PARM1: variants seen among roughly 807,000 people sequenced by gnomAD.
PARM1 encodes the protein prostate androgen-regulated mucin-like protein 1, also known as WSC4, cell wall integrity and stress response component 4 homolog.
A neutral mutation model predicts 24.6 loss-of-function variants in PARM1; 14 were observed. The observed-to-expected ratio is 0.57, with a 90% confidence interval of 0.38 to 0.89. The LOEUF (loss-of-function observed/expected upper bound fraction) is 0.89, where lower values mean the gene tolerates loss of function less well. PARM1 is among the 40% of genes least tolerant of loss of function. PARM1 has a pLI of 0.00. For missense variants in PARM1, 362 were observed against 380.4 expected (o/e 0.95, Z 0.40); for synonymous variants, 179 against 156.6 (o/e 1.14, Z -1.07).
At chr4:75,008,256 C>T (rs1244650679) in intron 1 of PARM1, among the ~76,000 whole-genome samples, 1 of 152,176 alleles carries the variant, frequency 6.6e-6, no homozygotes, top group Admixed American at 6.5e-5. Context: ...ATTGCCTGAA[C>T]TTGGCTGTAA....
intron 2 of PARM1, among the ~76,000 whole-genome samples, chr4:75,015,798 G>C (rs1048183671): frequency 1.3e-5 from 2 of 152,168 alleles, no homozygotes; most frequent in African/African-American, 4.8e-5. Context: ...CCAGGGCCCA[G>C]AGCTCTAAGC....
At chr4:75,001,505 G>T (rs995436775) in intron 1 of PARM1, among the ~76,000 whole-genome samples, 1 of 152,180 alleles carries the variant, frequency 6.6e-6, no homozygotes, top group African/African-American at 2.4e-5. Context: ...GGGGTGTTCC[G>T]GGGTGCTGAA....
intron 2 of PARM1, among the ~76,000 whole-genome samples, chr4:75,015,555 A>T (rs184658569): frequency 1.4e-4 from 22 of 152,342 alleles, no homozygotes; most frequent in African/African-American, 5.0e-4. Flanking sequence ...GAAAACAAGT[A>T]TGAGACCTAT....
chr4:75,005,266 A>G (rs954846977), intron 1 of PARM1, among the ~76,000 whole-genome samples: 1 of 152,192 alleles, frequency 6.6e-6, no homozygotes, highest in Non-Finnish European at 1.5e-5. Flanking sequence ...GCTTGACTGC[A>G]TTTTGATCAA....
At chr4:74,946,409 G>A (rs975838166) in intron 1 of PARM1, among the ~76,000 whole-genome samples, 5 of 152,132 alleles carry the variant, frequency 3.3e-5, no homozygotes, top group African/African-American at 4.8e-5. Flanking sequence ...ATGGTCACCC[G>A]TTTTCTTCCC....
At position 75,012,466 on chromosome 4, in the gene PARM1, G is replaced by A. The variant is rs377545871; in HGVS notation, c.85G>A (p.Val29Ile). Residue 29 changes from valine to isoleucine, a missense_variant, in exon 2 of 4, where the codon GTT (valine) becomes ATT (isoleucine). Coordinates refer to ENST00000307428, the MANE Select transcript of PARM1 (RefSeq NM_015393.4). ...QSLPTSAPLS[V>I]SLPTNIVPPT... is the part of the protein sequence containing the mutation. ...TCTGCCTACATCAGCTCCTTTGTCT[G>A]TTTCTCTTCCGACAAACATTGTACC... The A allele has an allele frequency of 6.2e-7, 1 of 1,613,746 alleles. No homozygotes were observed. Among genetic ancestry groups the A allele is most frequent in the African/African-American group, 1.3e-5 (1 of 74,860 alleles).
chr4:75,035,352 G>T (rs1187327490), intron 3 of PARM1, among the ~76,000 whole-genome samples: 1 of 152,200 alleles, frequency 6.6e-6, no homozygotes, highest in Non-Finnish European at 1.5e-5. Context: ...TAGGGACCAA[G>T]ACGGTGCTTG....
intron 1 of PARM1, among the ~76,000 whole-genome samples, chr4:74,934,306 T>C (rs1721130324): frequency 6.6e-6 from 1 of 152,232 alleles, no homozygotes; most frequent in East Asian, 1.9e-4. Flanking sequence ...GTAGCCCGAC[T>C]GCGCGGCCAC....
intron 1 of PARM1, chr4:74,967,834 C>A (rs901329383): frequency 3.3e-5 from 5 of 152,122 alleles, no homozygotes; most frequent in African/African-American, 1.2e-4. Flanking sequence ...AAAATGTAAC[C>A]ATTATTAATA....
rs758807380 is a variant in PARM1, at chr4:75,012,740, C to T, written c.359C>T (p.Thr120Ile). The change falls in exon 2 of 4, where the codon ACC (threonine) becomes ATC (isoleucine). Residue 120 changes from threonine to isoleucine, a missense_variant. Thr to Ile is a moderately conservative substitution (Grantham distance 89). Transcript: ENST00000307428. ...SSTSGGVHLT[T>I]TLEEHSSGTP... ...ACAAGCGGTGGAGTCCACTTAACAACCACGTTGGAGGAACACAGCTCGGGC... is the reference window on the plus strand; with the variant it reads ...ACAAGCGGTGGAGTCCACTTAACAATCACGTTGGAGGAACACAGCTCGGGC... 3 of 1,613,974 alleles carry T rather than the reference C, an allele frequency of 1.9e-6. No homozygotes were observed. Among genetic ancestry groups the T allele is most frequent in the Non-Finnish European group, 2.5e-6 (3 of 1,179,882 alleles).
chr4:74,993,824 T>G (rs202154077), intron 1 of PARM1: 3 of 152,112 alleles, frequency 2.0e-5, no homozygotes, highest in Admixed American at 2.0e-4. Flanking sequence ...GTCTGTTCAT[T>G]ATTGATTGTG....
At position 74,980,127 on chromosome 4, in the gene PARM1, C is replaced by T. The variant is rs374525077; in HGVS notation, c.44-32298C>T. ...GGATTTTCTGGCCAGGGCAATCAGG[C>T]GAGAGAAAGAAATAAAGTGTTTCAA... On this transcript the variant is annotated intron_variant, in intron 1 of 3. Transcript: ENST00000307428. Among the ~76,000 whole-genome samples, 173 of 152,152 alleles carry T rather than the reference C, an allele frequency of 1.1e-3. No homozygotes were observed. The South Asian group carries it at 0.034, about 30-fold the overall frequency.
chr4:74,965,762 G>T (rs1032844268), intron 1 of PARM1, among the ~76,000 whole-genome samples: 4 of 152,128 alleles, frequency 2.6e-5, no homozygotes, highest in South Asian at 2.1e-4. Context: ...CAGACTGGGG[G>T]ACATTCTCCC....
chr4:74,984,545 A>G (rs1202847913), intron 1 of PARM1, among the ~76,000 whole-genome samples: 1 of 152,216 alleles, frequency 6.6e-6, no homozygotes, highest in Non-Finnish European at 1.5e-5. Context: ...ATAGCTAGTC[A>G]CTGTGCACTA....
intron 3 of PARM1, among the ~76,000 whole-genome samples, chr4:75,040,998 C>T (rs183689302): frequency 6.6e-6 from 1 of 152,232 alleles, no homozygotes; most frequent in African/African-American, 2.4e-5. Flanking sequence ...AACTCCTCAC[C>T]ACCCCACCCA....
At chr4:75,006,194 C>T (rs1409264929) in intron 1 of PARM1, among the ~76,000 whole-genome samples, 1 of 151,992 alleles carries the variant, frequency 6.6e-6, no homozygotes, top group Non-Finnish European at 1.5e-5. Flanking sequence ...GCACAACTTG[C>T]AGGTTTGTTA....
In PARM1 at chr4:74,933,187, C is replaced by G; in HGVS notation, c.-141C>G. 1.6e-6 allele frequency: 1 copy of G among 640,070 alleles called. No individual in the cohort carries two copies. The highest frequency in any genetic ancestry group is 1.9e-5 in the South Asian group (1 of 53,432). The allele number at this position is 640,070 out of a possible 1,614,324, so 39.6% of individuals were successfully genotyped here. A position where few individuals can be genotyped will look rare whatever the true frequency, so the allele number is the denominator to read the frequency against. On this transcript the variant is annotated 5_prime_UTR_variant, in exon 1 of 4. Transcript: ENST00000307428. ...TGCGTTCGCCTCGTTTGCCTCGCGCCCTCCACTGGAGCTGTTCGCGCCTCC... is the reference window on the plus strand; with the variant it reads ...TGCGTTCGCCTCGTTTGCCTCGCGCGCTCCACTGGAGCTGTTCGCGCCTCC...
chr4:75,002,007 G>A (rs917143106), intron 1 of PARM1, among the ~76,000 whole-genome samples: 7 of 152,206 alleles, frequency 4.6e-5, no homozygotes, highest in African/African-American at 1.7e-4. Flanking sequence ...CCGAAAAGAA[G>A]GCCAGGATGC....
intron 1 of PARM1, among the ~76,000 whole-genome samples, chr4:74,947,135 C>T (rs1171774596): frequency 1.3e-5 from 2 of 152,164 alleles, no homozygotes; most frequent in Non-Finnish European, 2.9e-5. Flanking sequence ...CACTCAGGTA[C>T]TACATCTCCT....
Sources: gnomAD v4.1 joint callset for allele counts (sites outside exome capture counted in the v4.1 genomes callset) on GRCh38, gnomAD v4.1.1 for gene constraint, MANE v1.5 for transcripts, NCBI Gene and HGNC (gene_info 2026-07-23, HGNC 2026-07-21) for gene names.